Variants in DAB1 observed in about 807,000 individuals in gnomAD.
DAB1 encodes the protein DAB adaptor protein 1.
DAB1 carries 15 observed loss-of-function variants against 64.6 expected under a neutral mutation model. That is an observed-to-expected ratio of 0.23 (90% CI 0.16 to 0.36). The LOEUF is 0.36. Ranked by LOEUF, DAB1 falls within the 10% of genes least tolerant of loss-of-function variation. DAB1 has a pLI of 1.00. For missense variants in DAB1, 596 were observed against 706.7 expected, an observed-to-expected ratio of 0.84 and a Z score of 1.78; for synonymous variants, 235 against 251.9, an observed-to-expected ratio of 0.93 and a Z score of 0.64.
At chr1:57,950,140 G>T (rs181643589) in intron 5 of DAB1, among the ~76,000 whole-genome samples, 17 of 152,298 alleles carry the variant, frequency 1.1e-4, no homozygotes, top group Admixed American at 3.9e-4. Context: ...CAGTGCTTAA[G>T]AGAGAAGGCT....
chr1:58,300,635 AGAGAGAGAGAGAGGAAGGAAGGAAGG>A (rs1257232187), intron 4 of DAB1, among the ~76,000 whole-genome samples: 34 of 73,942 alleles, frequency 4.6e-4, no homozygotes, highest in Middle Eastern at 0.013. Flanking sequence ...AGAGAGAGAG[AGAGAGAGAGAGAGGAAGGAAGGAAGG>A]AAGGAAGGAA....
chr1:57,030,690 G>A (rs1646939289), intron 9 of DAB1, among the ~76,000 whole-genome samples: 1 of 152,172 alleles, frequency 6.6e-6, no homozygotes, highest in Admixed American at 6.5e-5. Flanking sequence ...GGAATGAGGT[G>A]GACAGCACAC....
chr1:57,622,455 T>A (rs1296843560), intron 7 of DAB1, among the ~76,000 whole-genome samples: 1 of 152,224 alleles, frequency 6.6e-6, no homozygotes, highest in Admixed American at 6.5e-5. Context: ...TATCTTCTTA[T>A]ACATAAAGTG....
intron 1 of DAB1, among the ~76,000 whole-genome samples, chr1:57,831,420 T>G (rs1199415199): frequency 6.6e-6 from 1 of 152,086 alleles, no homozygotes; most frequent in Non-Finnish European, 1.5e-5. Context: ...GTTCTGTGAG[T>G]CCTTCAAGTG....
At chr1:58,440,239 T>G (rs938184090) in intron 3 of DAB1, among the ~76,000 whole-genome samples, 2 of 152,238 alleles carry the variant, frequency 1.3e-5, no homozygotes, top group Non-Finnish European at 2.9e-5. Context: ...GCTTACGCAC[T>G]GCTTGGATTT....
At chr1:57,126,449 C>A (rs1255373066) in intron 4 of DAB1, among the ~76,000 whole-genome samples, 1 of 152,046 alleles carries the variant, frequency 6.6e-6, no homozygotes. Context: ...TTGGTAAGCC[C>A]CTGCACCTCT....
At chr1:58,114,297 A>G (rs1652183522) in intron 5 of DAB1, among the ~76,000 whole-genome samples, 1 of 152,142 alleles carries the variant, frequency 6.6e-6, no homozygotes, top group Non-Finnish European at 1.5e-5. Context: ...CATCATCATT[A>G]ATGATAGGTA....
intron 4 of DAB1, among the ~76,000 whole-genome samples, chr1:57,127,035 T>C (rs1657184069): frequency 6.6e-6 from 1 of 152,232 alleles, no homozygotes; most frequent in African/African-American, 2.4e-5. Context: ...AGAATCATCA[T>C]AGCAGTGCTG....
chr1:57,320,361 A>C (rs976897239), intron 1 of DAB1, among the ~76,000 whole-genome samples: 1 of 152,226 alleles, frequency 6.6e-6, no homozygotes, highest in South Asian at 2.1e-4. Context: ...AGACACTGGC[A>C]ACCAGATTTT....
chr1:57,070,408 CAA>C (rs1312073790), intron 7 of DAB1, among the ~76,000 whole-genome samples: 2 of 152,170 alleles, frequency 1.3e-5, no homozygotes, highest in Non-Finnish European at 2.9e-5. Context: ...TGCTTGACCT[CAA>C]GAGAGATCAT....
At chr1:58,149,526 G>A (rs370795350) in intron 5 of DAB1, among the ~76,000 whole-genome samples, 9 of 152,216 alleles carry the variant, frequency 5.9e-5, no homozygotes, top group Admixed American at 1.3e-4. Flanking sequence ...ATACTAAACC[G>A]GGTTCATACA....
At chr1:57,304,700 C>T (rs1257817501) in intron 1 of DAB1, among the ~76,000 whole-genome samples, 2 of 152,160 alleles carry the variant, frequency 1.3e-5, no homozygotes, top group African/African-American at 4.8e-5. Context: ...CTTCCCTTCC[C>T]TCTATTTCAT....
chr1:58,475,401 A>G (rs959631574), intron 3 of DAB1, among the ~76,000 whole-genome samples: 1 of 152,000 alleles, frequency 6.6e-6, no homozygotes, highest in Non-Finnish European at 1.5e-5. Context: ...ACCTCAAGTG[A>G]TCTACCTGCC....
intron 2 of DAB1, among the ~76,000 whole-genome samples, chr1:57,176,850 T>C (rs1429852916): frequency 2.0e-5 from 3 of 151,702 alleles, no homozygotes; most frequent in African/African-American, 4.8e-5. Flanking sequence ...TATCTATCTT[T>C]CTAATATGAA....
chr1:58,481,214 A>G lies in DAB1; in HGVS notation n.257+24846T>C, dbSNP rs753606333. 3.7e-5 allele frequency: 24 copies of G among 650,306 alleles called. No individual in the cohort carries two copies. The African/African-American group carries it at 4.4e-4, about 12-fold the overall frequency. The allele number at this position is 650,306 out of a possible 1,614,324, so 40.3% of individuals were successfully genotyped here. A position where few individuals can be genotyped will look rare whatever the true frequency, so the allele number is the denominator to read the frequency against. On this transcript the variant is annotated intron_variant and non_coding_transcript_variant, in intron 3 of 20. Coordinates refer to the DAB1 transcript ENST00000485760. Reference sequence around the variant, plus strand: ...TAAAATAAAAAAATACTATATATATACATCAATGTATTCAGATTGTTTCAG... The same window carrying G: ...TAAAATAAAAAAATACTATATATATGCATCAATGTATTCAGATTGTTTCAG...
At chr1:58,189,050 T>C (rs1657244258) in intron 4 of DAB1, among the ~76,000 whole-genome samples, 1 of 152,224 alleles carries the variant, frequency 6.6e-6, no homozygotes, top group African/African-American at 2.4e-5. Context: ...AGCACTATTT[T>C]ATTTGCCTTT....
intron 7 of DAB1, among the ~76,000 whole-genome samples, chr1:57,431,845 C>G (rs192530133): frequency 6.0e-4 from 91 of 152,198 alleles, no homozygotes; most frequent in African/African-American, 2.1e-3. Context: ...ATGGCTGGGC[C>G]GGGCACAGTG....
chr1:57,104,980 G>A (rs1334299833), intron 4 of DAB1, among the ~76,000 whole-genome samples: 1 of 152,090 alleles, frequency 6.6e-6, no homozygotes, highest in Non-Finnish European at 1.5e-5. Flanking sequence ...TTTTCCCAGG[G>A]CTGTCTCTAG....
At chr1:58,066,502 A>G (rs1648862415) in intron 5 of DAB1, among the ~76,000 whole-genome samples, 2 of 152,246 alleles carry the variant, frequency 1.3e-5, no homozygotes, top group South Asian at 4.1e-4. Context: ...ACATTATGCC[A>G]GGCCCTGTTC....
Sources: gnomAD v4.1 joint callset for allele counts (sites outside exome capture counted in the v4.1 genomes callset) on GRCh38, gnomAD v4.1.1 for gene constraint, MANE v1.5 for transcripts, NCBI Gene and HGNC (gene_info 2026-07-23, HGNC 2026-07-21) for gene names.